The following FHIP1A variants were observed in gnomAD, a reference collection of about 807,000 sequenced individuals.
FHIP1A encodes the protein FHF complex subunit HOOK interacting protein 1A.
A neutral mutation model predicts 88.6 loss-of-function variants in FHIP1A; 61 were observed. The observed-to-expected ratio is 0.69, with a 90% CI of 0.56 to 0.85. FHIP1A has a LOEUF of 0.85. FHIP1A is among the 40% of genes least tolerant of loss of function. The pLI, the probability that FHIP1A is intolerant of heterozygous loss-of-function variation, is 0.00. For missense variants in FHIP1A, 1,154 were observed against 1,273.5 expected (o/e 0.91, Z 1.43); for synonymous variants, 478 against 496.0 (o/e 0.96, Z 0.48).
intron 2 of FHIP1A, among the ~76,000 whole-genome samples, chr4:151,472,471 A>G (rs1399759474): frequency 6.6e-6 from 1 of 152,144 alleles, no homozygotes; most frequent in Non-Finnish European, 1.5e-5. Flanking sequence ...TTTGCCTTCA[A>G]GATCACAGCC....
intron 4 of FHIP1A, among the ~76,000 whole-genome samples, chr4:151,566,581 T>A (rs2126772399): frequency 6.6e-6 from 1 of 152,290 alleles, no homozygotes; most frequent in East Asian, 1.9e-4. Flanking sequence ...GCAATTAGGG[T>A]ACATGCATGT....
At chr4:151,435,998 A>T (rs1301724733) in intron 1 of FHIP1A, among the ~76,000 whole-genome samples, 1 of 152,170 alleles carries the variant, frequency 6.6e-6, no homozygotes, top group Non-Finnish European at 1.5e-5. Context: ...TTGTATAAGA[A>T]AAAAGTTATT....
intron 1 of FHIP1A, among the ~76,000 whole-genome samples, chr4:151,416,694 A>T (rs1018881220): frequency 6.6e-6 from 1 of 152,214 alleles, no homozygotes; most frequent in Admixed American, 6.5e-5. Flanking sequence ...TTTCTTAATA[A>T]AATAAGAATT....
intron 13 of FHIP1A, among the ~76,000 whole-genome samples, chr4:151,661,214 G>A (rs1737443452): frequency 6.6e-6 from 1 of 152,138 alleles, no homozygotes; most frequent in South Asian, 2.1e-4. Flanking sequence ...TTGGGGATGA[G>A]AAGGGGTGCT....
At chr4:151,539,317 C>T (rs1252532637) in intron 3 of FHIP1A, among the ~76,000 whole-genome samples, 33 of 152,224 alleles carry the variant, frequency 2.2e-4, no homozygotes, top group South Asian at 4.2e-4. Flanking sequence ...CACAGTGGCT[C>T]ACACCTGTAA....
At chr4:151,619,904 G>C (rs2406976) in intron 7 of FHIP1A, among the ~76,000 whole-genome samples, 48,546 of 151,968 alleles carry the variant, frequency 0.32, 7,780 homozygotes, top group Non-Finnish European at 0.33. Context: ...CTGCACACCA[G>C]TTCTATTTAC....
rs1737550845 is a variant in FHIP1A, at chr4:151,663,454, A to G, written c.*700A>G. 1 of 152,208 alleles carries G rather than the reference A, an allele frequency of 6.6e-6. No homozygotes were observed. Among genetic ancestry groups the G allele is most frequent in the Non-Finnish European group, 1.5e-5 (1 of 68,040 alleles). The allele number at this position is 152,208 out of a possible 1,614,324, so 9.4% of individuals were successfully genotyped here. A position where few individuals can be genotyped will look rare whatever the true frequency, so the allele number is the denominator to read the frequency against. ...CTTTAATCAGCATGACACTACCTAA[A>G]CACTGAAGATGGCCTTATATTAGTA... On this transcript the variant is annotated 3_prime_UTR_variant, in exon 14 of 14. Transcript: ENST00000435205.
At chr4:151,530,823 C>A (rs1731848767) in intron 3 of FHIP1A, among the ~76,000 whole-genome samples, 1 of 152,186 alleles carries the variant, frequency 6.6e-6, no homozygotes, top group African/African-American at 2.4e-5. Context: ...CTCAGTCTCT[C>A]TGAGCTTGGG....
intron 4 of FHIP1A, among the ~76,000 whole-genome samples, chr4:151,574,113 G>A (rs1487606212): frequency 1.3e-5 from 2 of 152,234 alleles, no homozygotes; most frequent in African/African-American, 4.8e-5. Context: ...AAGGTCCTAA[G>A]GAGAGAGGTT....
intron 3 of FHIP1A, among the ~76,000 whole-genome samples, chr4:151,511,809 C>T (rs529198809): frequency 1.3e-5 from 2 of 152,386 alleles, no homozygotes; most frequent in South Asian, 2.1e-4. Context: ...GAGCCCACCA[C>T]AGCTCAAGGA....
intron 1 of FHIP1A, among the ~76,000 whole-genome samples, chr4:151,413,617 G>T (rs554960244): frequency 6.6e-6 from 1 of 152,178 alleles, no homozygotes; most frequent in East Asian, 1.9e-4. Flanking sequence ...AACATGCTTG[G>T]CTAATTTTTG....
At position 151,662,703 on chromosome 4, in the gene FHIP1A, C is replaced by A. The variant is rs1160185048; in HGVS notation, c.3072C>A (p.His1024Gln). The A allele has an allele frequency of 6.4e-7, 1 of 1,550,880 alleles. No individual in the cohort carries two copies. Among genetic ancestry groups the A allele is most frequent in the Non-Finnish European group, 8.7e-7 (1 of 1,146,800 alleles). Reference sequence around the variant, plus strand: ...AGCTGGCGGCCTTGGCCCAGGAACACTCCATTCTGTGCTACAAGATCTTGG... The same window carrying A: ...AGCTGGCGGCCTTGGCCCAGGAACAATCCATTCTGTGCTACAAGATCTTGG... ...LKELAALAQEHSILCYKILGD... is the reference protein window; with the variant it reads ...LKELAALAQEQSILCYKILGD... The change falls in exon 14 of 14, where the codon CAC (histidine) becomes CAA (glutamine). Residue 1024 changes from histidine to glutamine, a missense_variant. Physicochemically the swap from His to Gln is conservative, Grantham distance 24. Coordinates refer to ENST00000435205, the MANE Select transcript of FHIP1A (RefSeq NM_001109977.3).
intron 11 of FHIP1A, among the ~76,000 whole-genome samples, chr4:151,653,973 C>G (rs958909438): frequency 1.3e-5 from 2 of 152,044 alleles, no homozygotes; most frequent in African/African-American, 4.8e-5. Flanking sequence ...GAAAATAAAA[C>G]TGCTGTCCTC....
At chr4:151,547,501 A>G (rs1184720471) in intron 3 of FHIP1A, among the ~76,000 whole-genome samples, 1 of 152,190 alleles carries the variant, frequency 6.6e-6, no homozygotes, top group Non-Finnish European at 1.5e-5. Context: ...TTTAATATTT[A>G]CCATTTTTTA....
chr4:151,587,018 TC>T (rs1734243161), intron 6 of FHIP1A, among the ~76,000 whole-genome samples: 1 of 152,224 alleles, frequency 6.6e-6, no homozygotes, highest in African/African-American at 2.4e-5. Flanking sequence ...ATTTTCTTTA[TC>T]TTCTTTATAA....
chr4:151,501,095 T>C (rs774894920), intron 3 of FHIP1A, among the ~76,000 whole-genome samples: 2 of 152,196 alleles, frequency 1.3e-5, no homozygotes, highest in African/African-American at 2.4e-5. Flanking sequence ...TTTGGTGATA[T>C]CAGCAGTAAT....
At chr4:151,626,648 A>G (rs1443407332) in intron 7 of FHIP1A, among the ~76,000 whole-genome samples, 1 of 152,242 alleles carries the variant, frequency 6.6e-6, no homozygotes, top group East Asian at 1.9e-4. Context: ...GCAGTAAGGT[A>G]GAATGTCATT....
rs577902508 is a variant in FHIP1A, at chr4:151,613,268, G to GTACA, written c.979-16433_979-16430dup. 7.9e-4 allele frequency among the ~76,000 whole-genome samples: 120 copies of GTACA among 152,344 alleles called. 1 individual carries two copies. The East Asian group carries it at 0.021, about 26-fold the overall frequency. ...TTGGACAATTAACTTATTCAAGAATGTACAGCATTCTACTATCCAATGGAT... is the reference window on the plus strand; with the variant it reads ...TTGGACAATTAACTTATTCAAGAATGTACATACAGCATTCTACTATCCAATGGAT... On this transcript the variant is annotated intron_variant, in intron 7 of 13. Transcript: ENST00000435205.
intron 1 of FHIP1A, among the ~76,000 whole-genome samples, chr4:151,452,773 G>C (rs554974466): frequency 9.5e-6 from 1 of 104,824 alleles, no homozygotes; most frequent in East Asian, 2.4e-4. Flanking sequence ...ATGAGACTCT[G>C]TCTCAAAAAA....
Sources: gnomAD v4.1 joint callset for allele counts (sites outside exome capture counted in the v4.1 genomes callset) on GRCh38, gnomAD v4.1.1 for gene constraint, MANE v1.5 for transcripts, NCBI Gene and HGNC (gene_info 2026-07-23, HGNC 2026-07-21) for gene names.